Variants in RUFY1 observed in about 807,000 individuals in gnomAD.
The protein encoded by RUFY1 is RUN and FYVE domain-containing protein 1.
Under a neutral mutation model 94.6 loss-of-function variants are expected in RUFY1, and 54 were observed. The observed-to-expected ratio is 0.57, with a 90% confidence interval of 0.46 to 0.72. The LOEUF is 0.72. RUFY1 is among the 30% of genes least tolerant of loss of function. RUFY1 has a pLI of 0.00. For missense variants in RUFY1, 883 were observed against 883.9 expected (o/e 1.00, Z 0.01); for synonymous variants, 396 against 347.3 (o/e 1.14, Z -1.56).
intron 6 of RUFY1, among the ~76,000 whole-genome samples, chr5:179,577,401 G>A (rs1377278706): frequency 3.3e-5 from 5 of 151,250 alleles, no homozygotes; most frequent in Non-Finnish European, 7.4e-5. Flanking sequence ...ACTCCTGACC[G>A]TGATCGGCCC....
At position 179,550,738 on chromosome 5, in the gene RUFY1, C is replaced by A; in HGVS notation, c.169C>A (p.Arg57=). ...PGDLRSATRP[R]AAEGWSAPIL... ...CGACCTGCGGAGCGCAACGAGGCCG[C>A]GGGCGGCCGAGGGCTGGTCGGCGCC... The change falls in exon 1 of 18, where the codon CGG becomes AGG. Residue 57 remains arginine (R), a synonymous_variant. Coordinates refer to ENST00000319449, the MANE Select transcript of RUFY1 (RefSeq NM_025158.5). The A allele has an allele frequency of 6.8e-7, 1 of 1,464,730 alleles. No homozygotes were observed. Among genetic ancestry groups the A allele is most frequent in the South Asian group, 1.3e-5 (1 of 77,690 alleles). The allele number at this position is 1,464,730 out of a possible 1,614,324, so 90.7% of individuals were successfully genotyped here.
At chr5:179,562,151 C>T (rs62395254) in intron 2 of RUFY1, among the ~76,000 whole-genome samples, 3,480 of 151,992 alleles carry the variant, frequency 0.023, 47 homozygotes, top group Non-Finnish European at 0.034. Context: ...CTGTGGCTCA[C>T]GCCTGTTATC....
At chr5:179,571,937 T>C (rs1434145879) in intron 5 of RUFY1, among the ~76,000 whole-genome samples, 1 of 152,230 alleles carries the variant, frequency 6.6e-6, no homozygotes, top group Admixed American at 6.5e-5. Flanking sequence ...TTTTTTCTGG[T>C]TTCTCAGTGG....
rs1562053858 is a variant in RUFY1 at position 179,589,614 on chromosome 5, A to G, written c.1095A>G (p.Glu365=). ...AGCAGCAGTTAAGAGAACAAAATGA[A>G]TTAATTCGAGAAAGAAGTGAAAAGA... ...EEQQQLREQN[E]LIRERSEKSV... Residue 365 remains glutamate (E), a synonymous_variant, in exon 9 of 18, where the codon GAA becomes GAG. Coordinates refer to ENST00000319449, the MANE Select transcript of RUFY1 (RefSeq NM_025158.5). 1 of 1,614,102 alleles carries G rather than the reference A, an allele frequency of 6.2e-7. No homozygotes were observed. Among genetic ancestry groups the G allele is most frequent in the Non-Finnish European group, 8.5e-7 (1 of 1,179,930 alleles).
chr5:179,585,673 T>C (rs1425282966), intron 7 of RUFY1, 123 bp from the exon 8 acceptor site: 4 of 687,842 alleles, frequency 5.8e-6, no homozygotes, highest in South Asian at 3.5e-5. Flanking sequence ...TCTGAGTTAA[T>C]TGGAGACCCT....
chr5:179,582,683 A>C (rs1167439584), intron 7 of RUFY1, among the ~76,000 whole-genome samples: 1 of 151,860 alleles, frequency 6.6e-6, no homozygotes, highest in Admixed American at 6.6e-5. Context: ...ATCTCTACTA[A>C]AAATACAAAA....
chr5:179,607,807 G>A (rs560442370), intron 17 of RUFY1, 148 bp downstream of exon 17: 3 of 695,190 alleles, frequency 4.3e-6, no homozygotes, highest in East Asian at 2.7e-5. Context: ...CGCCTCTCCT[G>A]TTTGCCTGTG....
intron 9 of RUFY1, among the ~76,000 whole-genome samples, chr5:179,590,091 C>T (rs1212298211): frequency 6.6e-6 from 1 of 152,166 alleles, no homozygotes; most frequent in African/African-American, 2.4e-5. Flanking sequence ...CAGTGGCTCA[C>T]ACCTGTAATC....
In RUFY1 at chr5:179,569,302, C is replaced by T. The variant is rs141995707; in HGVS notation, c.705C>T (p.Ser235=). The T allele has an allele frequency of 1.0e-4, 166 of 1,613,500 alleles. No individual in the cohort carries two copies. Among genetic ancestry groups the T allele is most frequent in the Non-Finnish European group, 1.2e-4 (146 of 1,179,926 alleles). Residue 235 remains serine, a splice_region_variant and synonymous_variant, in exon 5 of 18, where the codon AGC becomes AGT. Coordinates refer to ENST00000319449, the MANE Select transcript of RUFY1 (RefSeq NM_025158.5). ...GCCCTGTCCTGTCCATCTCTTTCAGCGAGTTCTATGAGCCTGAGGCTTTAA... is the reference window on the plus strand; with the variant it reads ...GCCCTGTCCTGTCCATCTCTTTCAGTGAGTTCTATGAGCCTGAGGCTTTAA... ...KVLIDNKHLL[S]EFYEPEALMM...
At chr5:179,606,687 C>G (rs978618383) in intron 16 of RUFY1, 1 of 152,490 alleles carries the variant, frequency 6.6e-6, no homozygotes, top group Non-Finnish European at 1.5e-5. Context: ...GCCGGGACTT[C>G]TAGGTAATAT....
intron 14 of RUFY1, chr5:179,600,006 A>G (rs1766178318): frequency 6.6e-6 from 1 of 152,132 alleles, no homozygotes; most frequent in South Asian, 2.1e-4. Context: ...AGGCTTGGAG[A>G]GTGGAAGGGA....
At position 179,596,583 on chromosome 5, in the gene RUFY1, G is replaced by A. The variant is rs750969413; in HGVS notation, c.1533G>A (p.Ala511=). 2.4e-5 allele frequency: 39 copies of A among 1,613,490 alleles called. No individual in the cohort carries two copies. The highest frequency in any genetic ancestry group is 3.3e-5 in the Admixed American group (2 of 59,996). Residue 511 remains alanine (A), a synonymous_variant, in exon 13 of 18, where the codon GCG becomes GCA. Coordinates refer to ENST00000319449, the MANE Select transcript of RUFY1 (RefSeq NM_025158.5). ...MEERLQHSER[A]RQGAEERSHK... is the part of the protein sequence containing the mutation. ...CCAGGTTGCAGCACTCGGAGCGGGC[G>A]AGGCAGGGGGCTGAGGAGCGGAGCC... is the stretch of plus-strand genomic sequence containing the variant.
intron 1 of RUFY1, among the ~76,000 whole-genome samples, chr5:179,554,032 A>G (rs2127501832): frequency 6.6e-6 from 1 of 152,274 alleles, no homozygotes; most frequent in African/African-American, 2.4e-5. Context: ...GGAGAAAGAC[A>G]GTGACACCAC....
At chr5:179,575,037 C>G (rs995891294) in intron 5 of RUFY1, among the ~76,000 whole-genome samples, 1 of 126,350 alleles carries the variant, frequency 7.9e-6, no homozygotes, top group East Asian at 2.7e-4. Flanking sequence ...CACCCCACCC[C>G]CCGCCCCAGC....
chr5:179,567,485 G>A lies in RUFY1; in HGVS notation c.627G>A (p.Ala209=), dbSNP rs146463794. The A allele has an allele frequency of 9.9e-6, 16 of 1,613,794 alleles. No individual in the cohort carries two copies. The highest frequency in any genetic ancestry group is 3.3e-5 in the South Asian group (3 of 91,086). Residue 209 remains alanine, a synonymous_variant, in exon 4 of 18, where the codon GCG becomes GCA. Transcript: ENST00000319449. ...ELKTAVGRGR[A]WLYLALMQKK... ...GGACAGCTGTGGGAAGAGGCCGAGCGTGGCTTTATCTTGCACTCATGCAAA... is the reference window on the plus strand; with the variant it reads ...GGACAGCTGTGGGAAGAGGCCGAGCATGGCTTTATCTTGCACTCATGCAAA...
rs1265866606 is a variant in RUFY1, at chr5:179,550,820, C to T, written c.251C>T (p.Ala84Val). 6 of 1,264,486 alleles carry T rather than the reference C, an allele frequency of 4.7e-6. No homozygotes were observed. 78.3% of individuals were successfully genotyped at this position (1,264,486 alleles called of 1,614,324 possible). A position where few individuals can be genotyped will look rare whatever the true frequency, so the allele number is the denominator to read the frequency against. ...AACCTGTCGGCGAGCTGCGGGAGCG[C>T]GCTGCGCGCGGCCGCGGGGCTGGGC... ...TGNLSASCGSALRAAAGLGGG... is the reference protein window; with the variant it reads ...TGNLSASCGSVLRAAAGLGGG... The change falls in exon 1 of 18, where the codon GCG (alanine) becomes GTG (valine). Residue 84 changes from alanine to valine, a missense_variant. By Grantham distance (64) the Ala-to-Val change is moderately conservative (BLOSUM62 0). Coordinates refer to ENST00000319449, the MANE Select transcript of RUFY1 (RefSeq NM_025158.5).
intron 1 of RUFY1, 159 bp from the exon 2 acceptor site, chr5:179,559,866 A>G (rs1040719596): frequency 3.3e-5 from 47 of 1,417,692 alleles, no homozygotes; most frequent in Non-Finnish European, 4.0e-5. Flanking sequence ...GGGATCAGGG[A>G]CTACTTACCT....
chr5:179,586,829 G>A (rs1004451018), intron 8 of RUFY1, among the ~76,000 whole-genome samples: 27 of 152,122 alleles, frequency 1.8e-4, no homozygotes, highest in African/African-American at 5.6e-4. Context: ...CAGGCAGGTC[G>A]GTGGTTGAGC....
rs183307287 is a variant in RUFY1 at position 179,609,667 on chromosome 5, G to A, written c.*148G>A. 6.0e-5 allele frequency: 43 copies of A among 718,398 alleles called. No individual in the cohort carries two copies. The highest frequency in any genetic ancestry group is 1.7e-4 in the Admixed American group (5 of 28,748). 44.5% of individuals were successfully genotyped at this position (718,398 alleles called of 1,614,324 possible). A position where few individuals can be genotyped will look rare whatever the true frequency, so the allele number is the denominator to read the frequency against. ...CTGGCACTCCAGAAGACAGCGTGCC[G>A]GAACCGGCAGCTCTCACCTTTCTGT... On this transcript the variant is annotated 3_prime_UTR_variant, in exon 18 of 18. Coordinates refer to ENST00000319449, the MANE Select transcript of RUFY1 (RefSeq NM_025158.5).
Sources: gnomAD v4.1 joint callset for allele counts (sites outside exome capture counted in the v4.1 genomes callset) on GRCh38, gnomAD v4.1.1 for gene constraint, MANE v1.5 for transcripts, NCBI Gene and HGNC (gene_info 2026-07-23, HGNC 2026-07-21) for gene names.